The following DSCAM variants were observed in gnomAD, a reference collection of about 807,000 sequenced individuals.
DSCAM encodes the protein cell adhesion molecule DSCAM.
DSCAM carries 47 observed loss-of-function variants against 217.7 expected under a neutral mutation model. That is an observed-to-expected ratio of 0.22 (90% CI 0.17 to 0.28). The LOEUF is 0.28. DSCAM is among the 10% of genes least tolerant of loss of function. DSCAM has a pLI of 1.00. For missense variants in DSCAM, 2,080 were observed against 2,618.3 expected (o/e 0.79, Z 4.49); for synonymous variants, 1,056 against 1,015.3 (o/e 1.04, Z -0.76).
At chr21:40,380,454 T>C (rs541000847) in intron 3 of DSCAM, among the ~76,000 whole-genome samples, 12 of 152,324 alleles carry the variant, frequency 7.9e-5, no homozygotes, top group Non-Finnish European at 1.5e-4. Context: ...AAAGCAAATA[T>C]TTCAGTTGGG....
intron 3 of DSCAM, among the ~76,000 whole-genome samples, chr21:40,513,682 C>G (rs780315792): frequency 6.6e-5 from 10 of 152,114 alleles, no homozygotes; most frequent in Non-Finnish European, 1.0e-4. Context: ...GAATCTTTCC[C>G]CATGACCCAA....
chr21:40,764,925 G>A (rs956168856), intron 1 of DSCAM, among the ~76,000 whole-genome samples: 22 of 152,034 alleles, frequency 1.4e-4, no homozygotes, highest in Non-Finnish European at 2.8e-4. Context: ...ACAGAGAGGG[G>A]AACATCACAC....
intron 1 of DSCAM, among the ~76,000 whole-genome samples, chr21:40,822,564 T>C (rs1294470100): frequency 6.6e-6 from 1 of 152,102 alleles, no homozygotes; most frequent in Non-Finnish European, 1.5e-5. Flanking sequence ...CCAATGGACA[T>C]AAAATAAGCA....
chr21:40,382,683 T>C (rs559737999), intron 3 of DSCAM, among the ~76,000 whole-genome samples: 1 of 152,312 alleles, frequency 6.6e-6, no homozygotes, highest in South Asian at 2.1e-4. Flanking sequence ...CCCACTCCAC[T>C]GCCTTTTGGT....
intron 3 of DSCAM, among the ~76,000 whole-genome samples, chr21:40,680,006 G>GATA (rs572980825): frequency 1.3e-5 from 2 of 152,002 alleles, no homozygotes; most frequent in African/African-American, 4.8e-5. Flanking sequence ...AGAAGATAAT[G>GATA]ATAATAATAA....
At chr21:40,419,651 C>T (rs1202492655) in intron 3 of DSCAM, among the ~76,000 whole-genome samples, 1 of 152,186 alleles carries the variant, frequency 6.6e-6, no homozygotes, top group Admixed American at 6.5e-5. Flanking sequence ...TACTCAGATA[C>T]ATCTTCTAGC....
At chr21:40,379,490 T>A (rs540529173) in intron 3 of DSCAM, among the ~76,000 whole-genome samples, 1 of 152,332 alleles carries the variant, frequency 6.6e-6, no homozygotes, top group South Asian at 2.1e-4. Context: ...GGGGAGACTT[T>A]CAATATTCAC....
chr21:40,733,466 A>G (rs1482057759), intron 1 of DSCAM, among the ~76,000 whole-genome samples: 1 of 152,156 alleles, frequency 6.6e-6, no homozygotes, highest in Non-Finnish European at 1.5e-5. Flanking sequence ...GGGTTTGGGG[A>G]GTGCTATGCC....
intron 3 of DSCAM, among the ~76,000 whole-genome samples, chr21:40,546,836 C>G (rs1176936025): frequency 2.6e-5 from 4 of 152,092 alleles, no homozygotes; most frequent in African/African-American, 9.7e-5. Flanking sequence ...TCAGGTCTTT[C>G]TAAGGGAAGT....
intron 1 of DSCAM, among the ~76,000 whole-genome samples, chr21:40,780,580 T>C (rs1448064162): frequency 6.6e-6 from 1 of 151,904 alleles, no homozygotes; most frequent in Non-Finnish European, 1.5e-5. Flanking sequence ...TTGCTCAGAA[T>C]GTGACTGTGT....
chr21:40,269,530 T>G (rs1028674428), intron 11 of DSCAM, among the ~76,000 whole-genome samples: 1 of 152,156 alleles, frequency 6.6e-6, no homozygotes, highest in Non-Finnish European at 1.5e-5. Context: ...GTGTATGGTG[T>G]CCCGGGGCTG....
intron 14 of DSCAM, among the ~76,000 whole-genome samples, chr21:40,180,197 C>T: frequency 6.6e-6 from 1 of 152,292 alleles, no homozygotes; most frequent in Non-Finnish European, 1.5e-5. Context: ...ACATGGACCT[C>T]TGAGTCTTGG....
At chr21:40,411,852 A>G (rs1283751113) in intron 3 of DSCAM, among the ~76,000 whole-genome samples, 2 of 152,190 alleles carry the variant, frequency 1.3e-5, no homozygotes, top group East Asian at 1.9e-4. Flanking sequence ...CAAACTACCA[A>G]TACTCACTAA....
At chr21:40,147,888 A>G (rs2090377033) in intron 16 of DSCAM, among the ~76,000 whole-genome samples, 1 of 152,148 alleles carries the variant, frequency 6.6e-6, no homozygotes, top group South Asian at 2.1e-4. Context: ...ATTTACTACC[A>G]CAAATGCTAT....
At chr21:40,158,019 A>C (rs555452446) in intron 16 of DSCAM, among the ~76,000 whole-genome samples, 6 of 152,318 alleles carry the variant, frequency 3.9e-5, no homozygotes, top group African/African-American at 1.4e-4. Flanking sequence ...GGTAATGAAA[A>C]GCTTTAGCCT....
intron 11 of DSCAM, among the ~76,000 whole-genome samples, chr21:40,232,150 C>G (rs1276064071): frequency 6.6e-6 from 1 of 152,208 alleles, no homozygotes; most frequent in Non-Finnish European, 1.5e-5. Context: ...AGACCTAGAA[C>G]TGTAACTACA....
intron 3 of DSCAM, among the ~76,000 whole-genome samples, chr21:40,557,726 A>T (rs904080721): frequency 1.3e-5 from 2 of 152,144 alleles, no homozygotes; most frequent in African/African-American, 4.8e-5. Flanking sequence ...CCCTCACTGG[A>T]TGCAGATGCT....
At chr21:40,796,155 CAT>C (rs1267448240) in intron 1 of DSCAM, among the ~76,000 whole-genome samples, 1 of 152,112 alleles carries the variant, frequency 6.6e-6, no homozygotes, top group Admixed American at 6.6e-5. Flanking sequence ...TGCAGGAGGC[CAT>C]ATGTCTATAC....
intron 3 of DSCAM, among the ~76,000 whole-genome samples, chr21:40,450,333 G>C (rs2075708352): frequency 6.6e-6 from 1 of 152,130 alleles, no homozygotes; most frequent in South Asian, 2.1e-4. Context: ...TCTAGTCCTG[G>C]CTGACACTTG....
Sources: gnomAD v4.1 joint callset for allele counts (sites outside exome capture counted in the v4.1 genomes callset) on GRCh38, gnomAD v4.1.1 for gene constraint, MANE v1.5 for transcripts, NCBI Gene and HGNC (gene_info 2026-07-23, HGNC 2026-07-21) for gene names.